The following TMEM181 variants were observed in gnomAD, a reference collection of about 807,000 sequenced individuals.
The protein encoded by TMEM181 is transmembrane protein 181.
A neutral mutation model predicts 71.9 loss-of-function variants in TMEM181; 39 were observed. That is an observed-to-expected ratio of 0.54 (90% confidence interval 0.42 to 0.71). TMEM181 has a LOEUF of 0.71. Ranked by LOEUF, TMEM181 falls within the 30% of genes least tolerant of loss-of-function variation. The pLI, the probability that TMEM181 is intolerant of heterozygous loss-of-function variation, is 0.00. For missense variants in TMEM181, 595 were observed against 583.0 expected (o/e 1.02, Z -0.21); for synonymous variants, 245 against 228.8 (o/e 1.07, Z -0.64).
chr6:158,600,108 T>G (rs1784588872), intron 6 of TMEM181, among the ~76,000 whole-genome samples: 1 of 152,196 alleles, frequency 6.6e-6, no homozygotes, highest in Non-Finnish European at 1.5e-5. Context: ...GCTCACATTT[T>G]AGAACTAAAA....
chr6:158,560,475 G>A (rs988009615), intron 1 of TMEM181, among the ~76,000 whole-genome samples: 2 of 152,214 alleles, frequency 1.3e-5, no homozygotes, highest in Non-Finnish European at 1.5e-5. Context: ...TTAGAGACCG[G>A]GATGCGGTCG....
At chr6:158,571,093 T>G (rs977973868) in intron 1 of TMEM181, among the ~76,000 whole-genome samples, 1 of 151,592 alleles carries the variant, frequency 6.6e-6, no homozygotes, top group Non-Finnish European at 1.5e-5. Flanking sequence ...TTTAAAAAAT[T>G]AATTAATTAA....
chr6:158,606,684 C>T (rs1170773200), intron 7 of TMEM181, among the ~76,000 whole-genome samples: 1 of 152,264 alleles, frequency 6.6e-6, no homozygotes, highest in Admixed American at 6.5e-5. Context: ...AACACACCTT[C>T]TTCAGGGAGG....
At chr6:158,616,147 T>C (rs1045535272) in intron 10 of TMEM181, among the ~76,000 whole-genome samples, 3 of 152,244 alleles carry the variant, frequency 2.0e-5, no homozygotes, top group African/African-American at 7.2e-5. Flanking sequence ...GTTTGTGTCC[T>C]CTTTTATTTC....
At chr6:158,558,302 C>T (rs894910278), upstream of TMEM181, among the ~76,000 whole-genome samples, 2 of 152,194 alleles carry the variant, frequency 1.3e-5, no homozygotes, top group African/African-American at 4.8e-5. Flanking sequence ...AGCAAATGTG[C>T]TTTGTTTAGT....
At chr6:158,609,350 T>G (rs1785155992) in intron 10 of TMEM181, among the ~76,000 whole-genome samples, 1 of 152,056 alleles carries the variant, frequency 6.6e-6, no homozygotes, top group African/African-American at 2.4e-5. Flanking sequence ...GAGGGTGACT[T>G]TAGTCACAGG....
At chr6:158,625,257 G>T in intron 12 of TMEM181, 51 bp downstream of exon 12, 1 of 1,521,854 alleles carries the variant, frequency 6.6e-7, no homozygotes. Context: ...AGTGACTCAG[G>T]TGGGGGAAGA....
intron 6 of TMEM181, among the ~76,000 whole-genome samples, chr6:158,599,522 T>C (rs974454768): frequency 6.6e-6 from 1 of 152,250 alleles, no homozygotes; most frequent in Non-Finnish European, 1.5e-5. Context: ...ATTTTACTTA[T>C]TTTACATTTT....
chr6:158,634,307 G>A lies in TMEM181; in HGVS notation c.*2419G>A, dbSNP rs181098822. 3.1e-4 allele frequency: 47 copies of A among 152,344 alleles called. 1 individual carries two copies. In the East Asian group the frequency reaches 8.1e-3, roughly 26 times the overall value. 9.4% of individuals were successfully genotyped at this position (152,344 alleles called of 1,614,324 possible). A position where few individuals can be genotyped will look rare whatever the true frequency, so the allele number is the denominator to read the frequency against. On this transcript the variant is annotated 3_prime_UTR_variant, in exon 17 of 17. Coordinates refer to ENST00000684151, the MANE Select transcript of TMEM181 (RefSeq NM_001376852.1). ...CTCTAGCACTTGGCATGTAGAATAT[G>A]TACCATAGGTATCAGGTTAAAACAC...
intron 1 of TMEM181, among the ~76,000 whole-genome samples, chr6:158,537,874 A>G (rs1781183543): frequency 6.6e-6 from 1 of 152,140 alleles, no homozygotes; most frequent in Non-Finnish European, 1.5e-5. Context: ...TTATCCTCAC[A>G]TCTGTTAAAA....
At chr6:158,595,513 A>T (rs1361079037) in intron 6 of TMEM181, among the ~76,000 whole-genome samples, 1 of 152,232 alleles carries the variant, frequency 6.6e-6, no homozygotes, top group Non-Finnish European at 1.5e-5. Context: ...CGCAATTCTT[A>T]ATAGCCAAAC....
At chr6:158,564,466 C>G (rs1034383005) in intron 1 of TMEM181, among the ~76,000 whole-genome samples, 1 of 152,232 alleles carries the variant, frequency 6.6e-6, no homozygotes, top group Admixed American at 6.5e-5. Context: ...CCAGCTCCCA[C>G]CTCTGCGGCA....
intron 1 of TMEM181, chr6:158,572,426 C>T (rs960737936): frequency 4.4e-6 from 2 of 456,642 alleles, no homozygotes; most frequent in Non-Finnish European, 8.8e-6. Flanking sequence ...CAACAGAGAA[C>T]ACAGAAGAGA....
chr6:158,621,336 G>C (rs900748672), intron 10 of TMEM181: 3 of 159,964 alleles, frequency 1.9e-5, no homozygotes, highest in Non-Finnish European at 2.8e-5. Flanking sequence ...TAGAAAGGGA[G>C]CTGGCACTGA....
At chr6:158,571,650 A>G (rs1256517860) in intron 1 of TMEM181, among the ~76,000 whole-genome samples, 1 of 152,232 alleles carries the variant, frequency 6.6e-6, no homozygotes, top group East Asian at 1.9e-4. Flanking sequence ...TAAGGAATAG[A>G]CTTGACACCT....
intron 6 of TMEM181, among the ~76,000 whole-genome samples, chr6:158,595,462 G>A (rs890142614): frequency 1.1e-4 from 17 of 152,296 alleles, no homozygotes; most frequent in African/African-American, 3.8e-4. Context: ...TAATGCATAC[G>A]TATATTGACC....
chr6:158,546,337 T>C (rs1582918011), intron 1 of TMEM181, among the ~76,000 whole-genome samples: 1 of 152,242 alleles, frequency 6.6e-6, no homozygotes, highest in Non-Finnish European at 1.5e-5. Flanking sequence ...CAGGGACAGC[T>C]AGAGGCATTG....
chr6:158,595,482 G>A (rs368560510), intron 6 of TMEM181, among the ~76,000 whole-genome samples: 2 of 152,164 alleles, frequency 1.3e-5, no homozygotes, highest in African/African-American at 2.4e-5. Flanking sequence ...CAAAAGACTT[G>A]TATTTAGATA....
At chr6:158,597,134 T>C (rs1161650559) in intron 6 of TMEM181, among the ~76,000 whole-genome samples, 1 of 152,206 alleles carries the variant, frequency 6.6e-6, no homozygotes, top group African/African-American at 2.4e-5. Context: ...CATCTGGCAC[T>C]GTTGTTGATG....
Sources: gnomAD v4.1 joint callset for allele counts (sites outside exome capture counted in the v4.1 genomes callset) on GRCh38, gnomAD v4.1.1 for gene constraint, MANE v1.5 for transcripts, NCBI Gene and HGNC (gene_info 2026-07-23, HGNC 2026-07-21) for gene names.